SLC6A4: variants seen among roughly 807,000 people sequenced by gnomAD.
SLC6A4 encodes sodium-dependent serotonin transporter.
A neutral mutation model predicts 73.4 loss-of-function variants in SLC6A4; 22 were observed. The observed-to-expected ratio is 0.30, with a 90% CI of 0.21 to 0.43. SLC6A4 has a LOEUF of 0.43. Among genes scored for constraint, SLC6A4 ranks in the 20% least tolerant of loss-of-function variants. The pLI, the probability that SLC6A4 is intolerant of heterozygous loss-of-function variation, is 1.00. For synonymous variants in SLC6A4, 270 were observed against 315.5 expected, an observed-to-expected ratio of 0.86 and a Z score of 1.53; for missense variants, 593 against 808.5, an observed-to-expected ratio of 0.73 and a Z score of 3.23.
intron 13 of SLC6A4, chr17:30,206,486 A>G (rs1266698361): frequency 6.6e-6 from 1 of 152,106 alleles, no homozygotes; most frequent in Non-Finnish European, 1.5e-5. Context: ...TCCTTTGGTA[A>G]TAAATGGATT....
In SLC6A4 at chr17:30,211,055, A is replaced by G. The variant is rs1906370283; in HGVS notation, c.1317+257T>C. On this transcript the variant is annotated intron_variant, in intron 10 of 14. Coordinates refer to ENST00000650711, the MANE Select transcript of SLC6A4 (RefSeq NM_001045.6). The surrounding 1 kb of genome is among the most constrained non-coding windows in gnomAD (Gnocchi z 4.0). ...AGGCGCCATAATTGGGCCAAGGGAC[A>G]GTGCTTAATAACAGTTCACATATGT... 6.6e-6 allele frequency among the ~76,000 whole-genome samples: 1 copy of G among 152,248 alleles called. No individual in the cohort carries two copies.
At chr17:30,214,922 C>T (rs1204271451) in intron 8 of SLC6A4, among the ~76,000 whole-genome samples, 1 of 151,724 alleles carries the variant, frequency 6.6e-6, no homozygotes, top group Non-Finnish European at 1.5e-5. Context: ...TGGGAGCCAC[C>T]GCACCCCGTC....
intron 8 of SLC6A4, among the ~76,000 whole-genome samples, chr17:30,213,401 C>A (rs1451700734): frequency 6.7e-6 from 1 of 148,376 alleles, no homozygotes; most frequent in African/African-American, 2.5e-5. Flanking sequence ...CTCCCGGGTT[C>A]AGGTGATTCT....
chr17:30,215,730 G>A lies in SLC6A4; in HGVS notation c.973-16C>T. 23 of 1,608,342 alleles carry A rather than the reference G, an allele frequency of 1.4e-5. No individual in the cohort carries two copies. The highest frequency in any genetic ancestry group is 2.0e-5 in the Non-Finnish European group (23 of 1,175,058). ...CTATCCACACCTGGAACACAGCAGG[G>A]GTAAGGGCATGGGGTGAGGGGGAGA... is the stretch of plus-strand genomic sequence containing the variant. On this transcript the variant is annotated splice_polypyrimidine_tract_variant and intron_variant, in intron 7 of 14. Transcript: ENST00000650711.
intron 3 of SLC6A4, among the ~76,000 whole-genome samples, chr17:30,219,411 T>C (rs1229498592): frequency 6.6e-6 from 1 of 152,236 alleles, no homozygotes; most frequent in East Asian, 1.9e-4. Context: ...TCAAGCTCCC[T>C]AGGTGATTCC....
intron 1 of SLC6A4, among the ~76,000 whole-genome samples, chr17:30,226,996 T>C (rs2143016136): frequency 6.6e-6 from 1 of 152,328 alleles, no homozygotes; most frequent in South Asian, 2.1e-4. Context: ...ACGATGCTTC[T>C]GGAGAGGCTG....
intron 6 of SLC6A4, among the ~76,000 whole-genome samples, chr17:30,216,570 TATTA>T (rs140061982): frequency 4.1e-4 from 63 of 152,120 alleles, no homozygotes; most frequent in Non-Finnish European, 7.4e-4. Context: ...TTGCCACGAT[TATTA>T]ATTGTGGTAC....
In SLC6A4 at chr17:30,207,724, CA is replaced by C; in HGVS notation, c.1650+7del. ...AGGGCAAGGAGGAGAAGGGAAATGG[CA>C]ACTCACCAGGAGAAACAGAGGGCTG... is the stretch of plus-strand genomic sequence containing the variant. On this transcript the variant is annotated splice_region_variant and intron_variant, in intron 13 of 14. Coordinates refer to ENST00000650711, the MANE Select transcript of SLC6A4 (RefSeq NM_001045.6). 1.3e-6 allele frequency: 2 copies of C among 1,585,050 alleles called. No individual in the cohort carries two copies. The highest frequency in any genetic ancestry group is 1.7e-6 in the Non-Finnish European group (2 of 1,153,418).
intron 1 of SLC6A4, among the ~76,000 whole-genome samples, chr17:30,230,581 G>C (rs544379276): frequency 1.3e-3 from 200 of 152,312 alleles, no homozygotes; most frequent in Admixed American, 2.7e-3. Flanking sequence ...TATGAAATAA[G>C]GGTGGATTCA....
Position 30,211,330 on chromosome 17 carries a change from C to G in SLC6A4, c.1299G>C (p.Thr433=), listed in dbSNP as rs753478260. 1.9e-6 allele frequency: 3 copies of G among 1,609,342 alleles called. No individual in the cohort carries two copies. Among genetic ancestry groups the G allele is most frequent in the Middle Eastern group, 1.7e-4 (1 of 5,790 alleles). ...TCCTCACCGTGCTGTCCAAGCCCAGCGTGATTAACATCAGAAAGAAGATGA... is the reference window on the plus strand; with the variant it reads ...TCCTCACCGTGCTGTCCAAGCCCAGGGTGATTAACATCAGAAAGAAGATGA... The part of the protein sequence containing the change: ...FAIIFFLMLI[T]LGLDSTFAGL... Residue 433 remains threonine (T), a synonymous_variant, in exon 10 of 15, where the codon ACG becomes ACC. Transcript: ENST00000650711. This position sits in a 1 kb window ranked among gnomAD's most constrained non-coding sequence, Gnocchi z 4.0.
chr17:30,229,190 A>G (rs930218535), intron 1 of SLC6A4, among the ~76,000 whole-genome samples: 4 of 152,232 alleles, frequency 2.6e-5, no homozygotes, highest in Non-Finnish European at 5.9e-5. Flanking sequence ...GCCCAGGATT[A>G]AAGAGCCCGG....
chr17:30,207,479 C>T (rs1044247662), intron 13 of SLC6A4, among the ~76,000 whole-genome samples: 3 of 152,126 alleles, frequency 2.0e-5, no homozygotes, highest in Non-Finnish European at 2.9e-5. Flanking sequence ...CCTCCGCCTC[C>T]TGGGTTCAAG....
chr17:30,203,998 A>G (rs572700722), intron 13 of SLC6A4, among the ~76,000 whole-genome samples: 1 of 152,378 alleles, frequency 6.6e-6, no homozygotes, highest in East Asian at 1.9e-4. Context: ...AGGCATCTCA[A>G]CAATGAATGT....
chr17:30,217,329 C>A (rs779895861), intron 5 of SLC6A4, 25 bp from the exon 6 acceptor site: 6 of 1,608,736 alleles, frequency 3.7e-6, no homozygotes, highest in South Asian at 1.1e-5. Context: ...AAAGAAAGGC[C>A]CCTGAGAGGC....
At chr17:30,233,643 T>TCCCC (rs1467995270) in intron 1 of SLC6A4, among the ~76,000 whole-genome samples, 5 of 152,200 alleles carry the variant, frequency 3.3e-5, no homozygotes, top group African/African-American at 9.6e-5. Flanking sequence ...CAGCCCCTCA[T>TCCCC]TTAGAGCTGA....
At chr17:30,215,571 C>G in intron 8 of SLC6A4, 40 bp downstream of exon 8, 2 of 1,512,516 alleles carry the variant, frequency 1.3e-6, no homozygotes, top group African/African-American at 1.4e-5. Context: ...CTTTCACTCA[C>G]GCCACTTTCA....
chr17:30,231,912 A>G (rs1907126609), intron 1 of SLC6A4, among the ~76,000 whole-genome samples: 1 of 152,122 alleles, frequency 6.6e-6, no homozygotes, highest in Non-Finnish European at 1.5e-5. Flanking sequence ...GGAAGAGAAG[A>G]GAGCGAAAGT....
chr17:30,225,546 G>A (rs1906900489), intron 1 of SLC6A4, among the ~76,000 whole-genome samples: 2 of 152,190 alleles, frequency 1.3e-5, no homozygotes, highest in Admixed American at 1.3e-4. Flanking sequence ...TATCCTGCTG[G>A]GTGGAAAGAT....
intron 1 of SLC6A4, among the ~76,000 whole-genome samples, chr17:30,231,522 G>A (rs576708982): frequency 6.6e-6 from 1 of 150,652 alleles, no homozygotes; most frequent in African/African-American, 2.4e-5. Flanking sequence ...ATACATAAAT[G>A]GCATAATTAT....
Sources: allele counts gnomAD v4.1 joint callset (sites outside exome capture counted in the v4.1 genomes callset), GRCh38; gene constraint gnomAD v4.1.1; non-coding constraint Gnocchi (gnomAD v3.1); transcripts MANE v1.5; gene names NCBI Gene and HGNC (gene_info 2026-07-23, HGNC 2026-07-21).